The following PDGFD variants were observed in gnomAD, a reference collection of about 807,000 sequenced individuals.
PDGFD encodes the protein platelet derived growth factor D.
Under a neutral mutation model 44.7 loss-of-function variants are expected in PDGFD, and 30 were observed. The observed-to-expected ratio is 0.67, with a 90% CI of 0.50 to 0.91. The LOEUF is 0.91. Among genes scored for constraint, PDGFD ranks in the 40% least tolerant of loss-of-function variants. The probability of loss-of-function intolerance (pLI) is 0.00; values close to 1 mark genes in which losing one functional copy is unlikely to be tolerated. For missense variants in PDGFD, 445 were observed against 457.8 expected, an observed-to-expected ratio of 0.97 and a Z score of 0.25; for synonymous variants, 173 against 168.4, an observed-to-expected ratio of 1.03 and a Z score of -0.21.
intron 1 of PDGFD, among the ~76,000 whole-genome samples, chr11:104,129,272 G>A (rs1861883304): frequency 1.3e-5 from 2 of 151,178 alleles, no homozygotes; most frequent in South Asian, 4.2e-4. Context: ...TATCTTTGCA[G>A]GTAGCACTGT....
intron 1 of PDGFD, among the ~76,000 whole-genome samples, chr11:104,158,127 A>G (rs1321584272): frequency 6.6e-6 from 1 of 152,190 alleles, no homozygotes; most frequent in African/African-American, 2.4e-5. Context: ...CTATCTCTCA[A>G]GTGCATTTCC....
intron 1 of PDGFD, among the ~76,000 whole-genome samples, chr11:104,034,411 T>A (rs762375972): frequency 6.6e-6 from 1 of 152,174 alleles, no homozygotes. Flanking sequence ...GAGCGAGACA[T>A]AGTCTTCCAT....
intron 3 of PDGFD, among the ~76,000 whole-genome samples, chr11:103,963,806 T>C (rs562380146): frequency 1.3e-5 from 2 of 152,236 alleles, no homozygotes; most frequent in Non-Finnish European, 2.9e-5. Flanking sequence ...AATCTATGCA[T>C]ATGCTAGCTA....
chr11:104,134,151 G>A (rs979249737), intron 1 of PDGFD, among the ~76,000 whole-genome samples: 3 of 126,028 alleles, frequency 2.4e-5, no homozygotes, highest in Non-Finnish European at 3.4e-5. Context: ...CCAGCTGTGT[G>A]TATATTACCA....
At chr11:104,041,448 T>C (rs1467085810) in intron 1 of PDGFD, among the ~76,000 whole-genome samples, 2 of 148,406 alleles carry the variant, frequency 1.3e-5, no homozygotes, top group East Asian at 1.9e-4. Context: ...AGGTTACTAA[T>C]ATACAACTTA....
At chr11:104,108,163 T>G (rs1344814309) in intron 1 of PDGFD, among the ~76,000 whole-genome samples, 2 of 152,012 alleles carry the variant, frequency 1.3e-5, no homozygotes, top group African/African-American at 4.8e-5. Flanking sequence ...GTGCTTAAGA[T>G]AAGACACCAA....
chr11:104,142,683 G>C (rs572028518), intron 1 of PDGFD, among the ~76,000 whole-genome samples: 13 of 152,272 alleles, frequency 8.5e-5, no homozygotes, highest in African/African-American at 3.1e-4. Flanking sequence ...TAGAAAAACC[G>C]AAGGCCCTAA....
chr11:103,998,731 G>A (rs183759540), intron 2 of PDGFD, among the ~76,000 whole-genome samples: 1 of 152,192 alleles, frequency 6.6e-6, no homozygotes, highest in South Asian at 2.1e-4. Flanking sequence ...ATAGAACATG[G>A]AGGCAGTCTT....
chr11:104,129,491 A>G lies in PDGFD; in HGVS notation c.124+34313T>C, dbSNP rs547436763. 1.6e-4 allele frequency among the ~76,000 whole-genome samples: 24 copies of G among 152,186 alleles called. No individual in the cohort carries two copies. The East Asian group carries it at 4.6e-3, about 29-fold the overall frequency. The stretch of plus-strand genomic sequence containing the variant: ...TCTCCAGGAGCAGGTTCTCTTTTTC[A>G]TTTGTAACACAGAGGAGAAGGAAAA... On this transcript the variant is annotated intron_variant, in intron 1 of 6. Coordinates refer to ENST00000393158, the MANE Select transcript of PDGFD (RefSeq NM_025208.5).
At chr11:103,931,424 T>G (rs1858396802) in intron 5 of PDGFD, among the ~76,000 whole-genome samples, 1 of 152,212 alleles carries the variant, frequency 6.6e-6, no homozygotes, top group South Asian at 2.1e-4. Context: ...AGTCAGTCTC[T>G]AAACATTAAG....
At chr11:103,996,004 T>A (rs900353574) in intron 3 of PDGFD, 61 bp downstream of exon 3, 2 of 1,427,500 alleles carry the variant, frequency 1.4e-6, no homozygotes, top group Non-Finnish European at 1.9e-6. Context: ...CATAGAAAAT[T>A]GATCTCTACA....
chr11:104,099,676 A>AAT (rs1861342388), intron 1 of PDGFD, among the ~76,000 whole-genome samples: 3 of 146,266 alleles, frequency 2.1e-5, no homozygotes, highest in Admixed American at 6.9e-5. Context: ...TAATAATAAT[A>AAT]AATCAAACCA....
At chr11:104,110,600 A>T (rs1861540046) in intron 1 of PDGFD, among the ~76,000 whole-genome samples, 1 of 152,072 alleles carries the variant, frequency 6.6e-6, no homozygotes, top group Admixed American at 6.6e-5. Flanking sequence ...AATGCTTAAA[A>T]ATTAAAAAGA....
chr11:104,036,408 T>C (rs260804), intron 1 of PDGFD, among the ~76,000 whole-genome samples: 91,205 of 151,830 alleles, frequency 0.6, 27,742 homozygotes, highest in Admixed American at 0.7. Flanking sequence ...TATGCCACTG[T>C]ACTCCAGCCT....
intron 2 of PDGFD, among the ~76,000 whole-genome samples, chr11:103,997,622 T>C (rs1395796527): frequency 6.6e-6 from 1 of 152,186 alleles, no homozygotes; most frequent in Non-Finnish European, 1.5e-5. Context: ...AAAGTATCAT[T>C]ATGCAAGCAA....
At chr11:104,156,837 G>A (rs2119923442) in intron 1 of PDGFD, among the ~76,000 whole-genome samples, 1 of 152,304 alleles carries the variant, frequency 6.6e-6, no homozygotes, top group South Asian at 2.1e-4. Context: ...GCCCTTTGCT[G>A]TCCTGTGGGC....
chr11:104,014,917 T>C (rs1298858175), intron 1 of PDGFD, among the ~76,000 whole-genome samples: 1 of 152,214 alleles, frequency 6.6e-6, no homozygotes, highest in African/African-American at 2.4e-5. Context: ...ATTGAGATTT[T>C]ACAGAGTGCC....
Position 104,064,201 on chromosome 11 carries a change from G to A in PDGFD, c.125-63946C>T, listed in dbSNP as rs371904481. 3.5e-4 allele frequency among the ~76,000 whole-genome samples: 53 copies of A among 152,318 alleles called. No individual in the cohort carries two copies. The East Asian group carries it at 0.01, about 29-fold the overall frequency. Reference sequence around the variant, plus strand: ...TTTACAATGTGTTCTTTCTCATTGAGCATAAACACTTCATAGCCATCACCT... The same window carrying A: ...TTTACAATGTGTTCTTTCTCATTGAACATAAACACTTCATAGCCATCACCT... On this transcript the variant is annotated intron_variant, in intron 1 of 6. Transcript: ENST00000393158.
chr11:103,937,700 C>A (rs1379592208), intron 5 of PDGFD, among the ~76,000 whole-genome samples: 1 of 100,794 alleles, frequency 9.9e-6, no homozygotes, highest in Admixed American at 1.4e-4. Context: ...CTATCCCTCC[C>A]CCCTCCCCCC....
Sources: allele counts gnomAD v4.1 joint callset (sites outside exome capture counted in the v4.1 genomes callset), GRCh38; gene constraint gnomAD v4.1.1; transcripts MANE v1.5; gene names NCBI Gene and HGNC (gene_info 2026-07-23, HGNC 2026-07-21).